Variants in DLG2 observed in about 807,000 individuals in gnomAD.
DLG2 encodes discs large MAGUK scaffold protein 2, also known as disks large homolog 2.
In DLG2, 45 loss-of-function variants were observed where a neutral mutation model predicts 132.5. That is an observed-to-expected ratio of 0.34 (90% CI 0.27 to 0.44). The LOEUF (loss-of-function observed/expected upper bound fraction) is 0.44, where lower values mean the gene tolerates loss of function less well. DLG2 is among the 20% of genes least tolerant of loss of function. The probability of loss-of-function intolerance (pLI) is 1.00; values close to 1 mark genes in which losing one functional copy is unlikely to be tolerated. For missense variants in DLG2, 1,045 were observed against 1,196.9 expected, an observed-to-expected ratio of 0.87 and a Z score of 1.87; for synonymous variants, 424 against 419.6, an observed-to-expected ratio of 1.01 and a Z score of -0.13.
At chr11:85,253,233 C>G (rs2076487451) in intron 4 of DLG2, among the ~76,000 whole-genome samples, 1 of 152,060 alleles carries the variant, frequency 6.6e-6, no homozygotes, top group African/African-American at 2.4e-5. Context: ...CAGGTTGACC[C>G]AAAAATTCTA....
intron 6 of DLG2, among the ~76,000 whole-genome samples, chr11:84,688,791 C>A (rs2057670512): frequency 1.3e-5 from 2 of 152,148 alleles, no homozygotes; most frequent in South Asian, 4.1e-4. Context: ...TGTGTCTGTA[C>A]ATCTCTACAG....
chr11:85,545,028 T>A (rs997282931), intron 3 of DLG2, among the ~76,000 whole-genome samples: 2 of 152,208 alleles, frequency 1.3e-5, no homozygotes, highest in Non-Finnish European at 1.5e-5. Flanking sequence ...AGTACTATGT[T>A]GAATAGGAGT....
At chr11:83,598,961 A>T (rs1437321775) in intron 19 of DLG2, among the ~76,000 whole-genome samples, 1 of 152,176 alleles carries the variant, frequency 6.6e-6, no homozygotes, top group Non-Finnish European at 1.5e-5. Flanking sequence ...GCTGGCTTTC[A>T]TCTGCCCCAT....
chr11:85,444,813 G>T (rs995339271), intron 3 of DLG2, among the ~76,000 whole-genome samples: 1 of 152,186 alleles, frequency 6.6e-6, no homozygotes, highest in African/African-American at 2.4e-5. Context: ...AGTAATTGTG[G>T]TTCTTGTAGT....
intron 4 of DLG2, among the ~76,000 whole-genome samples, chr11:85,267,745 A>G (rs1490628973): frequency 6.6e-6 from 1 of 152,240 alleles, no homozygotes; most frequent in African/African-American, 2.4e-5. Context: ...TAAAATATAC[A>G]TAATTCTTTT....
intron 6 of DLG2, among the ~76,000 whole-genome samples, chr11:84,871,393 T>C (rs780245380): frequency 2.6e-5 from 4 of 152,186 alleles, no homozygotes; most frequent in Non-Finnish European, 4.4e-5. Context: ...ATTAAAACTA[T>C]AGTGGCTTAA....
intron 7 of DLG2, among the ~76,000 whole-genome samples, chr11:84,263,455 C>A (rs1305907913): frequency 6.6e-6 from 1 of 152,092 alleles, no homozygotes. Context: ...ATATATGGTC[C>A]TGTTGTTCTA....
chr11:84,972,156 C>T (rs1401833783), intron 6 of DLG2, among the ~76,000 whole-genome samples: 2 of 152,054 alleles, frequency 1.3e-5, no homozygotes, highest in African/African-American at 2.4e-5. Context: ...ACCTCTTTAC[C>T]TGTGCTTCTT....
intron 3 of DLG2, among the ~76,000 whole-genome samples, chr11:85,571,879 T>C (rs1244434339): frequency 1.3e-5 from 2 of 152,214 alleles, no homozygotes; most frequent in Non-Finnish European, 2.9e-5. Flanking sequence ...TAAAGATAAA[T>C]CTTTTGAGCT....
chr11:84,820,228 T>C (rs1168235968), intron 6 of DLG2, among the ~76,000 whole-genome samples: 2 of 151,858 alleles, frequency 1.3e-5, no homozygotes, highest in Non-Finnish European at 2.9e-5. Context: ...GGGCTCAAGC[T>C]GATTTTAATA....
Position 84,714,643 on chromosome 11 carries a change from C to T in DLG2, c.358-179912G>A, listed in dbSNP as rs373656948. 3.7e-3 allele frequency among the ~76,000 whole-genome samples: 493 copies of T among 134,232 alleles called. 7 individuals are homozygous for T. The highest frequency in any genetic ancestry group is 5.4e-3 in the South Asian group (23 of 4,236). The allele number at this position is 134,232 out of a possible 152,430, so 88.1% of individuals were successfully genotyped here. On this transcript the variant is annotated intron_variant, in intron 6 of 27. Transcript: ENST00000376104. ...TCTCTTTCTCTCTCTCTCTCTCTCT[C>T]TCTTTCTCTCTCTCTCTCTCTCTCT...
At chr11:84,424,048 T>G (rs1650409490) in intron 7 of DLG2, among the ~76,000 whole-genome samples, 1 of 152,138 alleles carries the variant, frequency 6.6e-6, no homozygotes, top group Admixed American at 6.6e-5. Context: ...TTATACTAAT[T>G]AGAGGCCATT....
intron 7 of DLG2, among the ~76,000 whole-genome samples, chr11:84,301,372 A>G (rs2098150095): frequency 6.6e-6 from 1 of 152,140 alleles, no homozygotes; most frequent in Non-Finnish European, 1.5e-5. Context: ...TAAAGTCAGG[A>G]AACAGGCCAG....
intron 6 of DLG2, among the ~76,000 whole-genome samples, chr11:84,905,765 C>G (rs1293434645): frequency 6.6e-6 from 1 of 152,134 alleles, no homozygotes. Flanking sequence ...TTTTCTATGT[C>G]TCTTAAACTT....
chr11:85,338,928 G>C (rs928109988), intron 3 of DLG2, among the ~76,000 whole-genome samples: 1 of 151,882 alleles, frequency 6.6e-6, no homozygotes, highest in African/African-American at 2.4e-5. Flanking sequence ...TCCTGACCTC[G>C]TGATCCGCCC....
intron 6 of DLG2, among the ~76,000 whole-genome samples, chr11:84,618,369 G>A (rs187514410): frequency 1.2e-4 from 18 of 152,170 alleles, no homozygotes; most frequent in South Asian, 8.3e-4. Flanking sequence ...TCACTCTGGT[G>A]AGCCGTCCTG....
intron 6 of DLG2, among the ~76,000 whole-genome samples, chr11:84,658,249 T>C (rs1490293866): frequency 5.9e-5 from 9 of 152,116 alleles, no homozygotes; most frequent in Non-Finnish European, 1.2e-4. Flanking sequence ...GGATCGTGGG[T>C]CCCTGATTAT....
chr11:85,599,670 T>C (rs2080017966), intron 2 of DLG2, among the ~76,000 whole-genome samples: 1 of 152,198 alleles, frequency 6.6e-6, no homozygotes, highest in Non-Finnish European at 1.5e-5. Flanking sequence ...GAACACCTAC[T>C]TTCTCTTCAT....
At chr11:85,149,102 G>C (rs1352077208) in intron 5 of DLG2, among the ~76,000 whole-genome samples, 2 of 152,072 alleles carry the variant, frequency 1.3e-5, no homozygotes, top group African/African-American at 4.8e-5. Context: ...TGTTCCCTTG[G>C]TCTATATGTC....
Sources: gnomAD v4.1 joint callset for allele counts (sites outside exome capture counted in the v4.1 genomes callset) on GRCh38, gnomAD v4.1.1 for gene constraint, MANE v1.5 for transcripts, NCBI Gene and HGNC (gene_info 2026-07-23, HGNC 2026-07-21) for gene names.